ZNF207: variants seen among roughly 807,000 people sequenced by gnomAD.
ZNF207 encodes zinc finger protein 207.
Under a neutral mutation model 60.2 loss-of-function variants are expected in ZNF207, and 24 were observed. The ratio of observed to expected loss-of-function variants is 0.40; its 90% CI spans 0.29 to 0.56. ZNF207 has a LOEUF of 0.56. Ranked by LOEUF, ZNF207 falls within the 20% of genes least tolerant of loss-of-function variation. The pLI is 0.49. For synonymous variants in ZNF207, 236 were observed against 194.7 expected (o/e 1.21, Z -1.77); for missense variants, 452 against 636.6 (o/e 0.71, Z 3.12).
chr17:32,368,990 T>A, intron 10 of ZNF207: 1 of 235,246 alleles, frequency 4.3e-6, no homozygotes. Context: ...GGACAATGAG[T>A]GAAACCCCGT....
chr17:32,357,181 TA>T (rs78618463), intron 2 of ZNF207, among the ~76,000 whole-genome samples: 54,681 of 141,500 alleles, frequency 0.39, 11,068 homozygotes, highest in Non-Finnish European at 0.46. Context: ...GACCCTGTCT[TA>T]AAAAAAAAAA....
chr17:32,366,989 T>TA (rs1428337119), intron 9 of ZNF207, among the ~76,000 whole-genome samples: 2 of 151,978 alleles, frequency 1.3e-5, no homozygotes, highest in African/African-American at 4.8e-5. Flanking sequence ...GTAAATGCAT[T>TA]ATAGTGGCCA....
At position 32,367,909 on chromosome 17, in the gene ZNF207, T is replaced by C; in HGVS notation, c.1059T>C (p.Asn353=). 6.2e-7 allele frequency: 1 copy of C among 1,614,144 alleles called. No homozygotes were observed. Among genetic ancestry groups the C allele is most frequent in the South Asian group, 1.1e-5 (1 of 91,084 alleles). ...QSTASTTSTT[N]STAAKPAASI... ...CAGCTTCAACAACTAGTACAACAAATAGTACTGCAGCTAAACCAGCGGCTT... is the reference window on the plus strand; with the variant it reads ...CAGCTTCAACAACTAGTACAACAAACAGTACTGCAGCTAAACCAGCGGCTT... Residue 353 remains asparagine, a synonymous_variant, in exon 10 of 12, where the codon AAT becomes AAC. Coordinates refer to ENST00000394670, the MANE Select transcript of ZNF207 (RefSeq NM_001098507.2).
rs1181248483 is a variant in ZNF207 at position 32,378,533 on chromosome 17, G to A, written c.*8774G>A. ...TTTTTTGTAAACTATAACGTATCCC[G>A]TTGGTGTACCAGTGAGTTCATTTTA... On this transcript the variant is annotated 3_prime_UTR_variant, in exon 12 of 12. Coordinates refer to ENST00000394670, the MANE Select transcript of ZNF207 (RefSeq NM_001098507.2). 2 of 151,762 alleles carry A rather than the reference G, an allele frequency of 1.3e-5. No homozygotes were observed. The highest frequency in any genetic ancestry group is 4.8e-5 in the African/African-American group (2 of 41,328). The allele number at this position is 151,762 out of a possible 1,614,324, so 9.4% of individuals were successfully genotyped here.
At chr17:32,362,522 A>G (rs1567820503) in intron 6 of ZNF207, among the ~76,000 whole-genome samples, 1 of 152,160 alleles carries the variant, frequency 6.6e-6, no homozygotes, top group East Asian at 1.9e-4. Flanking sequence ...TCAAAATCCA[A>G]CACAACTCTG....
In ZNF207 at chr17:32,361,463, C is replaced by T; in HGVS notation, c.552-5C>T. Reference sequence around the variant, plus strand: ...AGATTTTGATTTTGTCATACATTTTCACAGATTGCATCATCAGAGAAAATA... The same window carrying T: ...AGATTTTGATTTTGTCATACATTTTTACAGATTGCATCATCAGAGAAAATA... On this transcript the variant is annotated splice_region_variant and splice_polypyrimidine_tract_variant and intron_variant, in intron 5 of 11. Coordinates refer to ENST00000394670, the MANE Select transcript of ZNF207 (RefSeq NM_001098507.2). 6.2e-7 allele frequency: 1 copy of T among 1,607,348 alleles called. No individual in the cohort carries two copies. Among genetic ancestry groups the T allele is most frequent in the East Asian group, 2.2e-5 (1 of 44,632 alleles).
At position 32,361,530 on chromosome 17, in the gene ZNF207, C is replaced by G. The variant is rs778030171; in HGVS notation, c.599+15C>G. 1 of 1,602,984 alleles carries G rather than the reference C, an allele frequency of 6.2e-7. No homozygotes were observed. The highest frequency in any genetic ancestry group is 1.7e-5 in the Admixed American group (1 of 58,962). ...GGTGAAAACATGTAAGCATCTCATTCATAATGTAATTCAGGAGGTATAATC... is the reference window on the plus strand; with the variant it reads ...GGTGAAAACATGTAAGCATCTCATTGATAATGTAATTCAGGAGGTATAATC... On this transcript the variant is annotated intron_variant, in intron 6 of 11. Transcript: ENST00000394670.
chr17:32,361,771 A>G (rs1389689543), intron 6 of ZNF207, among the ~76,000 whole-genome samples: 1 of 152,202 alleles, frequency 6.6e-6, no homozygotes, highest in Non-Finnish European at 1.5e-5. Context: ...GGGACCTGTT[A>G]ATAAGGGTTA....
intron 8 of ZNF207, among the ~76,000 whole-genome samples, chr17:32,365,790 A>G (rs887249057): frequency 1.4e-5 from 2 of 145,286 alleles, no homozygotes; most frequent in African/African-American, 5.1e-5. Context: ...TGGAGCGTTT[A>G]GAAGTTTTCC....
Position 32,377,604 on chromosome 17 carries a change from T to C in ZNF207, c.*7845T>C, listed in dbSNP as rs1374100042. On this transcript the variant is annotated 3_prime_UTR_variant, in exon 12 of 12. Coordinates refer to ENST00000394670, the MANE Select transcript of ZNF207 (RefSeq NM_001098507.2). The stretch of plus-strand genomic sequence containing the variant: ...TTGTCTTTGGGGGTATGTCTACATA[T>C]TCGTTTAAATTTAGAAATTCCCACA... 1 of 151,988 alleles carries C rather than the reference T, an allele frequency of 6.6e-6. No individual in the cohort carries two copies. The highest frequency in any genetic ancestry group is 1.5e-5 in the Non-Finnish European group (1 of 67,856). The allele number at this position is 151,988 out of a possible 1,614,324, so 9.4% of individuals were successfully genotyped here.
At chr17:32,354,636 A>C (rs1458033793) in intron 2 of ZNF207, among the ~76,000 whole-genome samples, 1 of 146,436 alleles carries the variant, frequency 6.8e-6, no homozygotes, top group East Asian at 2.0e-4. Context: ...TTTTTTCTTG[A>C]GACGGAGTCT....
At position 32,366,772 on chromosome 17, in the gene ZNF207, G is replaced by A; in HGVS notation, c.921+15G>A. 1.3e-6 allele frequency: 2 copies of A among 1,587,142 alleles called. No homozygotes were observed. ...GCACAGCACAAGTACGCAGGAAGTT[G>A]CAGTTTAAAATTGTTAAAATGGCTT... is the stretch of plus-strand genomic sequence containing the variant. On this transcript the variant is annotated intron_variant, in intron 9 of 11. Transcript: ENST00000394670.
In ZNF207 at chr17:32,360,776, G is replaced by A. The variant is rs1261532915; in HGVS notation, c.475+11G>A. On this transcript the variant is annotated intron_variant, in intron 4 of 11. Coordinates refer to ENST00000394670, the MANE Select transcript of ZNF207 (RefSeq NM_001098507.2). Reference sequence around the variant, plus strand: ...CAGGAATGCCTCCAGGTAGCACATAGGATTGCTTAAAATCTAACATTTTTA... The same window carrying A: ...CAGGAATGCCTCCAGGTAGCACATAAGATTGCTTAAAATCTAACATTTTTA... The A allele has an allele frequency of 1.9e-6, 3 of 1,613,074 alleles. No individual in the cohort carries two copies. Among genetic ancestry groups the A allele is most frequent in the South Asian group, 2.2e-5 (2 of 91,034 alleles).
At chr17:32,360,559 A>C (rs1406482271) in intron 3 of ZNF207, 39 bp from the exon 4 acceptor site, 1 of 1,536,648 alleles carries the variant, frequency 6.5e-7, no homozygotes. Context: ...AAACTTTCTT[A>C]GTTTTTACTC....
rs1163745686 is a variant in ZNF207, at chr17:32,372,235, GCTTGC to G, written c.*2477_*2481del. ...GAATGGCGTGAACCCGGGAGGCATA[GCTTGC>G]AGTGAGCGGAGATCACACCACTGCA... On this transcript the variant is annotated 3_prime_UTR_variant, in exon 12 of 12. Coordinates refer to ENST00000394670, the MANE Select transcript of ZNF207 (RefSeq NM_001098507.2). 6.6e-6 allele frequency: 1 copy of G among 152,178 alleles called. No homozygotes were observed. 9.4% of individuals were successfully genotyped at this position (152,178 alleles called of 1,614,324 possible). A position where few individuals can be genotyped will look rare whatever the true frequency, so the allele number is the denominator to read the frequency against.
intron 6 of ZNF207, 121 bp downstream of exon 6, chr17:32,361,636 CT>C: frequency 1.2e-6 from 1 of 845,456 alleles, no homozygotes; most frequent in Non-Finnish European, 1.7e-6. Context: ...CTCACTAAAA[CT>C]TGCAAGCTAA....
In ZNF207 at chr17:32,367,962, C is replaced by A. The variant is rs764842158; in HGVS notation, c.1112C>A (p.Thr371Lys). The A allele has an allele frequency of 1.9e-6, 3 of 1,614,200 alleles. No individual in the cohort carries two copies. Among genetic ancestry groups the A allele is most frequent in the South Asian group, 1.1e-5 (1 of 91,086 alleles). ...ASITSKPATLTTTSATSKLIH... is the reference protein window; with the variant it reads ...ASITSKPATLKTTSATSKLIH... ...ATAACAAGTAAGCCTGCTACACTTA[C>A]AACAACTAGTGCAACCAGTAAGTTG... is the stretch of plus-strand genomic sequence containing the variant. Residue 371 changes from threonine (T) to lysine (K), a missense_variant, in exon 10 of 12, where the codon ACA (threonine) becomes AAA (lysine). Coordinates refer to ENST00000394670, the MANE Select transcript of ZNF207 (RefSeq NM_001098507.2).
In ZNF207 at chr17:32,373,323, A is replaced by C; in HGVS notation, c.*3564A>C. ...TGCTTGATCATTGGGATTTTTAAAA[A>C]AAAAAATTTTAATGCATGTCTTTTA... is the stretch of plus-strand genomic sequence containing the variant. On this transcript the variant is annotated 3_prime_UTR_variant, in exon 12 of 12. Transcript: ENST00000394670. 1 of 633,558 alleles carries C rather than the reference A, an allele frequency of 1.6e-6. No homozygotes were observed. Among genetic ancestry groups the C allele is most frequent in the Non-Finnish European group, 2.8e-6 (1 of 353,980 alleles). The allele number at this position is 633,558 out of a possible 1,614,324, so 39.2% of individuals were successfully genotyped here.
At chr17:32,368,044 CA>C in intron 10 of ZNF207, 30 bp downstream of exon 10, 1 of 1,611,846 alleles carries the variant, frequency 6.2e-7, no homozygotes, top group Non-Finnish European at 8.5e-7. Context: ...CTACGAGCAG[CA>C]TTTGATTTAA....
Sources: gnomAD v4.1 joint callset for allele counts (sites outside exome capture counted in the v4.1 genomes callset) on GRCh38, gnomAD v4.1.1 for gene constraint, MANE v1.5 for transcripts, NCBI Gene and HGNC (gene_info 2026-07-23, HGNC 2026-07-21) for gene names.